Variants in KIF6 observed in about 807,000 individuals in gnomAD.
KIF6 encodes kinesin-like protein KIF6.
A neutral mutation model predicts 112.7 loss-of-function variants in KIF6; 106 were observed. The ratio of observed to expected loss-of-function variants is 0.94; its 90% CI spans 0.80 to 1.11. KIF6 has a LOEUF of 1.11. Ranked by LOEUF, KIF6 falls within the 50% of genes least tolerant of loss-of-function variation. The probability of loss-of-function intolerance (pLI) is 0.00; values close to 1 mark genes in which losing one functional copy is unlikely to be tolerated. For missense variants in KIF6, 929 were observed against 964.0 expected (o/e 0.96, Z 0.48); for synonymous variants, 339 against 339.9 (o/e 1.00, Z 0.03).
Position 39,346,463 on chromosome 6 carries a change from AG to A in KIF6, c.2231+12del. 4 of 716,826 alleles carry A rather than the reference AG, an allele frequency of 5.6e-6. No homozygotes were observed. In the Admixed American group the frequency reaches 8.0e-5, roughly 14 times the overall value. The allele number at this position is 716,826 out of a possible 1,614,324, so 44.4% of individuals were successfully genotyped here. A position where few individuals can be genotyped will look rare whatever the true frequency, so the allele number is the denominator to read the frequency against. On this transcript the variant is annotated intron_variant, in intron 20 of 22. Coordinates refer to ENST00000287152, the MANE Select transcript of KIF6 (RefSeq NM_145027.6). ...GAAGACAGCTGTCTATGAACCGGGA[AG>A]GGGGTCCTCACCAGACATCGAATCT...
At chr6:39,604,575 C>T (rs1782778795) in intron 6 of KIF6, among the ~76,000 whole-genome samples, 1 of 152,130 alleles carries the variant, frequency 6.6e-6, no homozygotes, top group East Asian at 1.9e-4. Flanking sequence ...GGAAAGTAGT[C>T]AAAATGATTT....
chr6:39,343,463 C>T lies in KIF6; in HGVS notation c.2428+246G>A. The T allele has an allele frequency of 6.8e-7, 1 of 1,461,754 alleles. No individual in the cohort carries two copies. The allele number at this position is 1,461,754 out of a possible 1,614,324, so 90.5% of individuals were successfully genotyped here. A position where few individuals can be genotyped will look rare whatever the true frequency, so the allele number is the denominator to read the frequency against. On this transcript the variant is annotated intron_variant, in intron 22 of 22. Coordinates refer to ENST00000287152, the MANE Select transcript of KIF6 (RefSeq NM_145027.6). The surrounding 1 kb of genome is among the most constrained non-coding windows in gnomAD (Gnocchi z 4.1). ...TGGAAGAGACAGAGAGCAAGCTCTG[C>T]CAAGAGGGACAGGAGCACCTGGGCC...
chr6:39,658,371 C>G (rs113609373), intron 3 of KIF6, among the ~76,000 whole-genome samples: 324 of 152,162 alleles, frequency 2.1e-3, no homozygotes, highest in Non-Finnish European at 3.7e-3. Context: ...TTTTCGGACA[C>G]TTTTAGTTCG....
At chr6:39,570,478 G>T (rs1361396129) in intron 10 of KIF6, among the ~76,000 whole-genome samples, 2 of 152,174 alleles carry the variant, frequency 1.3e-5, no homozygotes, top group African/African-American at 4.8e-5. Flanking sequence ...TAAGTGAAAG[G>T]ATGAATTCAG....
intron 13 of KIF6, among the ~76,000 whole-genome samples, chr6:39,513,698 T>C (rs1021082006): frequency 6.6e-6 from 1 of 152,182 alleles, no homozygotes; most frequent in Non-Finnish European, 1.5e-5. Context: ...CTTAAGTCAC[T>C]GCTAGTGGTA....
chr6:39,541,222 G>A (rs550564484), intron 12 of KIF6, among the ~76,000 whole-genome samples: 3 of 152,300 alleles, frequency 2.0e-5, no homozygotes, highest in East Asian at 1.9e-4. Flanking sequence ...GACAAGCAGC[G>A]TGGAAGTCAT....
chr6:39,437,290 G>A (rs978237905), intron 13 of KIF6, among the ~76,000 whole-genome samples: 3 of 152,012 alleles, frequency 2.0e-5, no homozygotes, highest in Non-Finnish European at 2.9e-5. Context: ...GATTTTCTAG[G>A]TATAAGATCA....
chr6:39,495,327 G>T (rs1775720585), intron 13 of KIF6, among the ~76,000 whole-genome samples: 1 of 152,212 alleles, frequency 6.6e-6, no homozygotes, highest in Non-Finnish European at 1.5e-5. Flanking sequence ...CAGCCCATAT[G>T]TCCGCGTGTC....
chr6:39,378,438 T>C lies in KIF6; in HGVS notation c.1861+7184A>G, dbSNP rs929158456. On this transcript the variant is annotated intron_variant, in intron 16 of 22. Coordinates refer to ENST00000287152, the MANE Select transcript of KIF6 (RefSeq NM_145027.6). The surrounding 1 kb of genome is among the most constrained non-coding windows in gnomAD (Gnocchi z 5.0). ...CATATACACATGCATACAACATATA[T>C]CCATACCACATACACACACACCACA... Among the ~76,000 whole-genome samples, 13 of 151,498 alleles carry C rather than the reference T, an allele frequency of 8.6e-5. No homozygotes were observed. Among genetic ancestry groups the C allele is most frequent in the African/African-American group, 3.2e-4 (13 of 41,170 alleles).
At chr6:39,557,116 G>A (rs1257107958) in intron 10 of KIF6, among the ~76,000 whole-genome samples, 2 of 151,608 alleles carry the variant, frequency 1.3e-5, no homozygotes, top group South Asian at 2.1e-4. Flanking sequence ...TAAAATTAAC[G>A]GAAAACTTGT....
At chr6:39,347,642 C>T (rs568394154) in intron 19 of KIF6, among the ~76,000 whole-genome samples, 1 of 152,362 alleles carries the variant, frequency 6.6e-6, no homozygotes, top group East Asian at 1.9e-4. Context: ...CCTCCTTTTA[C>T]ACTCTGGGGA....
intron 15 of KIF6, among the ~76,000 whole-genome samples, chr6:39,403,019 A>G (rs1010144222): frequency 6.6e-6 from 1 of 151,776 alleles, no homozygotes; most frequent in Non-Finnish European, 1.5e-5. Context: ...CCAATTACCT[A>G]AAGTGCTCTT....
chr6:39,609,049 T>C (rs1783050068), intron 6 of KIF6, among the ~76,000 whole-genome samples: 1 of 152,204 alleles, frequency 6.6e-6, no homozygotes, highest in African/African-American at 2.4e-5. Context: ...GGTTAGAAAG[T>C]ACAGTTTAGA....
At chr6:39,427,928 C>G (rs140458015) in intron 14 of KIF6, among the ~76,000 whole-genome samples, 269 of 152,328 alleles carry the variant, frequency 1.8e-3, no homozygotes, top group African/African-American at 5.8e-3. Flanking sequence ...CAAACCAGAA[C>G]CAGAAACAAT....
chr6:39,647,925 G>A (rs541549313), intron 3 of KIF6, among the ~76,000 whole-genome samples: 78 of 151,938 alleles, frequency 5.1e-4, no homozygotes, highest in South Asian at 1.3e-3. Flanking sequence ...TGGCCAGGCT[G>A]GTCTTGAACT....
chr6:39,450,869 T>C (rs1368883311), intron 13 of KIF6, among the ~76,000 whole-genome samples: 4 of 152,206 alleles, frequency 2.6e-5, no homozygotes, highest in African/African-American at 9.7e-5. Flanking sequence ...CCTTCCAGTT[T>C]TTCTATGCTT....
intron 15 of KIF6, among the ~76,000 whole-genome samples, chr6:39,392,473 C>G (rs537191445): frequency 6.6e-6 from 1 of 152,180 alleles, no homozygotes; most frequent in African/African-American, 2.4e-5. Context: ...AAGGCAAAGA[C>G]CTTAAAGTAT....
At chr6:39,692,598 C>G (rs1788281607) in intron 3 of KIF6, among the ~76,000 whole-genome samples, 1 of 152,134 alleles carries the variant, frequency 6.6e-6, no homozygotes. Flanking sequence ...GGTAAGTTGC[C>G]AAGTACTTCC....
At chr6:39,475,227 C>T (rs1581934950) in intron 13 of KIF6, among the ~76,000 whole-genome samples, 1 of 152,150 alleles carries the variant, frequency 6.6e-6, no homozygotes, top group East Asian at 1.9e-4. Context: ...AATAATTACC[C>T]TCCCTGCCTC....
Sources: allele counts gnomAD v4.1 joint callset (sites outside exome capture counted in the v4.1 genomes callset), GRCh38; gene constraint gnomAD v4.1.1; non-coding constraint Gnocchi (gnomAD v3.1); transcripts MANE v1.5; gene names NCBI Gene and HGNC (gene_info 2026-07-23, HGNC 2026-07-21).